RAB3GAP1: variants seen among roughly 807,000 people sequenced by gnomAD.
RAB3GAP1 encodes the protein rab3 GTPase-activating protein catalytic subunit.
Under a neutral mutation model 130.7 loss-of-function variants are expected in RAB3GAP1, and 86 were observed. The ratio of observed to expected loss-of-function variants is 0.66; its 90% CI spans 0.55 to 0.79. The LOEUF (loss-of-function observed/expected upper bound fraction) is 0.79, where lower values mean the gene tolerates loss of function less well. RAB3GAP1 is among the 30% of genes least tolerant of loss of function. The probability of loss-of-function intolerance (pLI) is 0.00; values close to 1 mark genes in which losing one functional copy is unlikely to be tolerated. For synonymous variants in RAB3GAP1, 367 were observed against 401.7 expected (o/e 0.91, Z 1.03); for missense variants, 1,029 against 1,169.4 (o/e 0.88, Z 1.75).
Position 135,110,204 on chromosome 2 carries a change from G to T in RAB3GAP1, c.363-2947G>T, listed in dbSNP as rs564869519. Among the ~76,000 whole-genome samples the T allele has an allele frequency of 9.1e-4, 138 of 151,912 alleles. 1 individual carries two copies. The highest frequency in any genetic ancestry group is 3.0e-3 in the African/African-American group (124 of 41,416). On this transcript the variant is annotated intron_variant, in intron 5 of 23. Coordinates refer to ENST00000264158, the MANE Select transcript of RAB3GAP1 (RefSeq NM_012233.3). ...GCTGGAGTGCAGTGGTGTGATGATG[G>T]TTCACTACAGCCTTGACCTCCTGGC...
chr2:135,168,740 A>G lies in RAB3GAP1; in HGVS notation c.2905A>G (p.Arg969Gly), dbSNP rs768299453. 1.2e-6 allele frequency: 2 copies of G among 1,614,192 alleles called. No homozygotes were observed. Residue 969 changes from arginine (R) to glycine (G), a missense_variant, in exon 24 of 24, where the codon AGA becomes GGA. This residue lies in a region of RAB3GAP1 where 146 missense variants were observed against 143.7 expected (regional missense o/e 1.02). Coordinates refer to ENST00000264158, the MANE Select transcript of RAB3GAP1 (RefSeq NM_012233.3). The part of the protein sequence containing the change: ...MYSVLTKEDF[R>G]LAGAFSSDTS... ...CAGTGTTCTCACCAAAGAGGACTTTAGACTTGCAGGTGCCTTTTCATCAGA... is the reference window on the plus strand; with the variant it reads ...CAGTGTTCTCACCAAAGAGGACTTTGGACTTGCAGGTGCCTTTTCATCAGA...
Position 135,135,667 on chromosome 2 carries a change from G to A in RAB3GAP1, c.1658G>A (p.Gly553Glu). 6.2e-7 allele frequency: 1 copy of A among 1,613,898 alleles called. No homozygotes were observed. Among genetic ancestry groups the A allele is most frequent in the Non-Finnish European group, 8.5e-7 (1 of 1,179,964 alleles). Reference sequence around the variant, plus strand: ...TATCCAGGGGATGCTGGAAAAGCAGGAGACCAGTTGGTGCCAGATAATCTA... The same window carrying A: ...TATCCAGGGGATGCTGGAAAAGCAGAAGACCAGTTGGTGCCAGATAATCTA... ...NIYPGDAGKAGDQLVPDNLKE... is the reference protein window; with the variant it reads ...NIYPGDAGKAEDQLVPDNLKE... Residue 553 changes from glycine to glutamate, a missense_variant, in exon 17 of 24, where the codon GGA becomes GAA. Around this residue, in one of 3 missense-constraint regions of RAB3GAP1, gnomAD observed 373 missense variants for 493.6 expected, o/e 0.76. Transcript: ENST00000264158.
chr2:135,103,690 C>T (rs1690515238), intron 5 of RAB3GAP1, among the ~76,000 whole-genome samples: 1 of 152,102 alleles, frequency 6.6e-6, no homozygotes. Context: ...AAAATACCAC[C>T]TCTGTTGCCA....
intron 7 of RAB3GAP1, among the ~76,000 whole-genome samples, chr2:135,117,709 C>T (rs1691058130): frequency 2.2e-5 from 3 of 135,340 alleles, no homozygotes; most frequent in African/African-American, 8.2e-5. Context: ...TCTTCTGCTT[C>T]TGCTTCTTCT....
chr2:135,164,745 C>CCCAAGTAGAGG, intron 23 of RAB3GAP1, 49 bp downstream of exon 23: 1 of 1,457,620 alleles, frequency 6.9e-7, no homozygotes, highest in Non-Finnish European at 9.5e-7. Flanking sequence ...CAAACCTCTA[C>CCCAAGTAGAGG]TTGGGAAGAG....
At position 135,110,124 on chromosome 2, in the gene RAB3GAP1, A is replaced by T. The variant is rs537457567; in HGVS notation, c.363-3027A>T. Among the ~76,000 whole-genome samples, 5 of 151,734 alleles carry T rather than the reference A, an allele frequency of 3.3e-5. No individual in the cohort carries two copies. In the South Asian group the frequency reaches 1.0e-3, roughly 32 times the overall value. ...GAAGAGAGTACATTTATCAAGAGTG[A>T]TATTTGAGGTAAATCCTTTTTTTTT... On this transcript the variant is annotated intron_variant, in intron 5 of 23. Coordinates refer to ENST00000264158, the MANE Select transcript of RAB3GAP1 (RefSeq NM_012233.3).
chr2:135,108,354 A>G (rs2104905074), intron 5 of RAB3GAP1, among the ~76,000 whole-genome samples: 1 of 152,300 alleles, frequency 6.6e-6, no homozygotes, highest in Non-Finnish European at 1.5e-5. Context: ...TGTAGGAAAT[A>G]TAATGATTTA....
At chr2:135,167,137 T>A (rs998928228) in intron 23 of RAB3GAP1, among the ~76,000 whole-genome samples, 26 of 152,304 alleles carry the variant, frequency 1.7e-4, no homozygotes, top group East Asian at 5.8e-4. Flanking sequence ...CACATTTTTT[T>A]AAAAAGTTGT....
chr2:135,058,133 C>G, intron 3 of RAB3GAP1, 47 bp downstream of exon 3: 2 of 1,475,498 alleles, frequency 1.4e-6, no homozygotes, highest in Non-Finnish European at 9.5e-7. Flanking sequence ...TACTTTGAAA[C>G]CTCTATTTTC....
chr2:135,095,052 C>T (rs1334073112), intron 5 of RAB3GAP1, among the ~76,000 whole-genome samples: 2 of 152,044 alleles, frequency 1.3e-5, no homozygotes, highest in East Asian at 3.9e-4. Context: ...TTTCTGCAAG[C>T]AGGCTTTTTT....
chr2:135,096,814 G>A (rs949174567), intron 5 of RAB3GAP1, among the ~76,000 whole-genome samples: 2 of 152,074 alleles, frequency 1.3e-5, no homozygotes, highest in African/African-American at 4.8e-5. Context: ...TAGTTATGAG[G>A]ATCAAATAAG....
At chr2:135,164,268 AT>A (rs961541790) in intron 22 of RAB3GAP1, among the ~76,000 whole-genome samples, 83 of 152,164 alleles carry the variant, frequency 5.5e-4, no homozygotes, top group African/African-American at 1.5e-3. Flanking sequence ...ATATTATACA[AT>A]TTTTTTTTCA....
chr2:135,174,571 A>T (rs1439129941), downstream of RAB3GAP1, among the ~76,000 whole-genome samples: 2 of 152,148 alleles, frequency 1.3e-5, no homozygotes, highest in African/African-American at 4.8e-5. Context: ...AGCTCTTCCA[A>T]AGCCCCCCCA....
chr2:135,075,097 A>G (rs1204135222), intron 3 of RAB3GAP1, among the ~76,000 whole-genome samples: 1 of 152,242 alleles, frequency 6.6e-6, no homozygotes, highest in African/African-American at 2.4e-5. Flanking sequence ...AGTAAAATGT[A>G]AGAAAAGTTA....
At chr2:135,124,047 C>G (rs557868026) in intron 8 of RAB3GAP1, 118 bp from the exon 9 acceptor site, 1 of 956,172 alleles carries the variant, frequency 1.0e-6, no homozygotes, top group Admixed American at 2.1e-5. Flanking sequence ...AACTTGCTAA[C>G]TTGCTACATG....
intron 8 of RAB3GAP1, among the ~76,000 whole-genome samples, chr2:135,121,210 C>T (rs1180624355): frequency 1.3e-5 from 2 of 152,024 alleles, no homozygotes; most frequent in Non-Finnish European, 2.9e-5. Context: ...TACTATGTAG[C>T]GAATGATTAA....
intron 17 of RAB3GAP1, among the ~76,000 whole-genome samples, chr2:135,147,332 TGA>T (rs1692028587): frequency 6.8e-6 from 1 of 146,210 alleles, no homozygotes; most frequent in South Asian, 2.2e-4. Context: ...GATGACAGAG[TGA>T]GACTCTGTCT....
intron 4 of RAB3GAP1, among the ~76,000 whole-genome samples, chr2:135,091,876 A>C (rs1230796529): frequency 6.6e-6 from 1 of 152,220 alleles, no homozygotes; most frequent in Non-Finnish European, 1.5e-5. Context: ...CTGAATAAAC[A>C]TGAACTTTGG....
intron 19 of RAB3GAP1, among the ~76,000 whole-genome samples, chr2:135,161,010 C>T (rs1692452567): frequency 6.6e-6 from 1 of 152,128 alleles, no homozygotes; most frequent in Non-Finnish European, 1.5e-5. Flanking sequence ...AGGGGAATCA[C>T]ATATTTCACG....
Sources: gnomAD v4.1 joint callset for allele counts (sites outside exome capture counted in the v4.1 genomes callset) on GRCh38, gnomAD v4.1.1 for gene constraint, gnomAD v4.1.1 regional missense constraint, MANE v1.5 for transcripts, NCBI Gene and HGNC (gene_info 2026-07-23, HGNC 2026-07-21) for gene names.